Variants in CNTNAP3B observed in about 807,000 individuals in gnomAD.
The protein encoded by CNTNAP3B is contactin-associated protein-like 3B.
CNTNAP3B carries 25 observed loss-of-function variants against 108.9 expected under a neutral mutation model. The ratio of observed to expected loss-of-function variants is 0.23; its 90% CI spans 0.17 to 0.32. The LOEUF (loss-of-function observed/expected upper bound fraction) is 0.32, where lower values mean the gene tolerates loss of function less well. Among genes scored for constraint, CNTNAP3B ranks in the 10% least tolerant of loss-of-function variants. The pLI is 1.00. For missense variants in CNTNAP3B, 252 were observed against 1,210.4 expected (o/e 0.21, Z 11.75); for synonymous variants, 103 against 473.4 (o/e 0.22, Z 10.16).
At chr9:41,939,503 C>A (rs1175651943) in intron 13 of CNTNAP3B, among the ~76,000 whole-genome samples, 1 of 152,104 alleles carries the variant, frequency 6.6e-6, no homozygotes, top group African/African-American at 2.4e-5. Context: ...TGCCAAAAAA[C>A]AAAAAAAACA....
At chr9:41,929,587 G>A in intron 14 of CNTNAP3B, 143 bp from the exon 15 acceptor site, 1 of 1,027,942 alleles carries the variant, frequency 9.7e-7, no homozygotes, top group Non-Finnish European at 1.4e-6. Flanking sequence ...AGAGCACAGA[G>A]ACTACCATGA....
At chr9:41,928,219 C>G (rs1316589410) in intron 15 of CNTNAP3B, among the ~76,000 whole-genome samples, 14 of 152,226 alleles carry the variant, frequency 9.2e-5, no homozygotes, top group Non-Finnish European at 1.9e-4. Flanking sequence ...ATTTCTGGGT[C>G]AGAGTTAAAG....
rs918683122 is a variant in CNTNAP3B at position 42,056,024 on chromosome 9, A to G, written c.390+20845T>C. 3.3e-3 allele frequency among the ~76,000 whole-genome samples: 377 copies of G among 113,242 alleles called. 37 individuals are homozygous for G. Among genetic ancestry groups the G allele is most frequent in the Non-Finnish European group, 4.6e-3 (250 of 54,382 alleles). The allele number at this position is 113,242 out of a possible 152,430, so 74.3% of individuals were successfully genotyped here. ...AAGCACAAAGAATCATGTTTGGTGC[A>G]CAGTAAGCACTCAAGATACATAATG... is the stretch of plus-strand genomic sequence containing the variant. On this transcript the variant is annotated intron_variant, in intron 3 of 23. Coordinates refer to ENST00000377561, the MANE Select transcript of CNTNAP3B (RefSeq NM_001201380.3).
intron 4 of CNTNAP3B, among the ~76,000 whole-genome samples, chr9:42,010,522 G>A (rs1013365382): frequency 1.5e-5 from 2 of 135,538 alleles, no homozygotes; most frequent in African/African-American, 6.0e-5. Flanking sequence ...GCCCTCAAAG[G>A]CCTGGACAGG....
chr9:42,012,913 G>A (rs1487672206), intron 4 of CNTNAP3B, among the ~76,000 whole-genome samples: 1 of 96,526 alleles, frequency 1.0e-5, no homozygotes, highest in Non-Finnish European at 2.2e-5. Flanking sequence ...ATCAAGTGAA[G>A]CGACAGCATG....
chr9:41,951,659 T>C (rs1824687845), intron 13 of CNTNAP3B, among the ~76,000 whole-genome samples: 2 of 152,232 alleles, frequency 1.3e-5, no homozygotes, highest in African/African-American at 2.4e-5. Context: ...AAACTTTGAA[T>C]GCAACCAGAC....
intron 3 of CNTNAP3B, among the ~76,000 whole-genome samples, chr9:42,070,878 A>C (rs1268376034): frequency 1.3e-5 from 2 of 151,720 alleles, no homozygotes; most frequent in Middle Eastern, 3.2e-3. Flanking sequence ...CCACTGCCCC[A>C]AAAACGTCCC....
intron 11 of CNTNAP3B, among the ~76,000 whole-genome samples, chr9:41,963,978 C>G (rs1453219182): frequency 1.3e-5 from 2 of 151,396 alleles, no homozygotes; most frequent in Non-Finnish European, 3.0e-5. Flanking sequence ...ATCATCACCA[C>G]CACCAAAGAA....
At chr9:41,943,771 C>A (rs1348087602) in intron 13 of CNTNAP3B, among the ~76,000 whole-genome samples, 22 of 152,044 alleles carry the variant, frequency 1.4e-4, no homozygotes, top group Admixed American at 1.3e-3. Context: ...GAGAATGTTT[C>A]AAAATTAATG....
chr9:41,938,924 CTCTT>C (rs1161190120), intron 13 of CNTNAP3B, among the ~76,000 whole-genome samples: 1 of 152,190 alleles, frequency 6.6e-6, no homozygotes, highest in African/African-American at 2.4e-5. Context: ...GATGTCCTGA[CTCTT>C]TATTTGGAGG....
At chr9:42,051,840 C>G (rs200293491) in intron 3 of CNTNAP3B, among the ~76,000 whole-genome samples, 4 of 151,910 alleles carry the variant, frequency 2.6e-5, no homozygotes, top group African/African-American at 7.3e-5. Context: ...AAATAGAAGC[C>G]GTTCCTAAAC....
intron 3 of CNTNAP3B, among the ~76,000 whole-genome samples, chr9:42,018,006 TAA>T (rs1415096164): frequency 9.7e-6 from 1 of 103,614 alleles, no homozygotes; most frequent in African/African-American, 4.2e-5. Context: ...TTGTTAATTA[TAA>T]GTGTTATATG....
intron 13 of CNTNAP3B, among the ~76,000 whole-genome samples, chr9:41,941,120 C>A (rs1334062185): frequency 2.0e-5 from 3 of 150,732 alleles, no homozygotes; most frequent in South Asian, 2.1e-4. Flanking sequence ...CATAAGGATT[C>A]CATATTTCAT....
At position 42,123,887 on chromosome 9, in the gene CNTNAP3B, A is replaced by G. The variant is rs1354717295; in HGVS notation, c.85+5123T>C. Among the ~76,000 whole-genome samples, 14 of 123,542 alleles carry G rather than the reference A, an allele frequency of 1.1e-4. 1 individual carries two copies. 81.0% of individuals were successfully genotyped at this position (123,542 alleles called of 152,430 possible). On this transcript the variant is annotated intron_variant, in intron 1 of 23. Coordinates refer to ENST00000377561, the MANE Select transcript of CNTNAP3B (RefSeq NM_001201380.3). The stretch of plus-strand genomic sequence containing the variant: ...ACTCAACATGTTATTTTAACCTAAA[A>G]TTTTCTTAGGGCCTCAATTGCAAAT...
intron 3 of CNTNAP3B, among the ~76,000 whole-genome samples, chr9:42,020,676 C>A: frequency 6.8e-6 from 1 of 146,880 alleles, no homozygotes; most frequent in Admixed American, 6.8e-5. Context: ...AGATCTGCAC[C>A]TTTAACCCTC....
At chr9:41,934,970 A>G (rs1325862800) in intron 14 of CNTNAP3B, among the ~76,000 whole-genome samples, 1 of 152,264 alleles carries the variant, frequency 6.6e-6, no homozygotes, top group Non-Finnish European at 1.5e-5. Flanking sequence ...TTACAGTTAC[A>G]TGTGTCATCA....
chr9:41,950,527 G>T, intron 13 of CNTNAP3B, among the ~76,000 whole-genome samples: 1 of 113,164 alleles, frequency 8.8e-6, no homozygotes. Flanking sequence ...GCATATCCAT[G>T]CCACCGATTG....
In CNTNAP3B at chr9:42,026,746, C is replaced by T. The variant is rs1229740025; in HGVS notation, c.391-13221G>A. Among the ~76,000 whole-genome samples, 21 of 133,370 alleles carry T rather than the reference C, an allele frequency of 1.6e-4. 1 individual carries two copies. The highest frequency in any genetic ancestry group is 6.4e-4 in the African/African-American group (21 of 32,844). The allele number at this position is 133,370 out of a possible 152,430, so 87.5% of individuals were successfully genotyped here. On this transcript the variant is annotated intron_variant, in intron 3 of 23. Coordinates refer to ENST00000377561, the MANE Select transcript of CNTNAP3B (RefSeq NM_001201380.3). ...TTCCCATATTTTTCTGCCGTTAAAA[C>T]CTATCCTGAATCATATAGGACCTGT...
At chr9:42,058,411 C>A (rs1390519976) in intron 3 of CNTNAP3B, among the ~76,000 whole-genome samples, 4 of 145,948 alleles carry the variant, frequency 2.7e-5, no homozygotes, top group Non-Finnish European at 4.5e-5. Context: ...ACCATTCTAA[C>A]AAGTACGAGG....
Sources: allele counts gnomAD v4.1 joint callset (sites outside exome capture counted in the v4.1 genomes callset), GRCh38; gene constraint gnomAD v4.1.1; transcripts MANE v1.5; gene names NCBI Gene and HGNC (gene_info 2026-07-23, HGNC 2026-07-21).